Variants in LRRTM4 observed in about 807,000 individuals in gnomAD.
LRRTM4 encodes leucine-rich repeat transmembrane neuronal protein 4.
Under a neutral mutation model 47.6 loss-of-function variants are expected in LRRTM4, and 25 were observed. That is an observed-to-expected ratio of 0.53 (90% CI 0.38 to 0.73). The LOEUF (loss-of-function observed/expected upper bound fraction) is 0.73, where lower values mean the gene tolerates loss of function less well. Ranked by LOEUF, LRRTM4 falls within the 30% of genes least tolerant of loss-of-function variation. The pLI, the probability that LRRTM4 is intolerant of heterozygous loss-of-function variation, is 0.00. For missense variants in LRRTM4, 638 were observed against 713.4 expected, an observed-to-expected ratio of 0.89 and a Z score of 1.20; for synonymous variants, 311 against 269.5, an observed-to-expected ratio of 1.15 and a Z score of -1.51.
intron 3 of LRRTM4, among the ~76,000 whole-genome samples, chr2:77,011,531 T>TTGTGTGTGTGTGTGTGTGTG (rs56982328): frequency 1.4e-5 from 2 of 144,046 alleles, no homozygotes; most frequent in South Asian, 2.3e-4. Context: ...GAAGAAGCAT[T>TTGTGTGTGTGTGTGTGTGTG]TGTGTGTGTG....
At chr2:76,783,232 T>C (rs1674493384) in intron 3 of LRRTM4, among the ~76,000 whole-genome samples, 2 of 152,202 alleles carry the variant, frequency 1.3e-5, no homozygotes, top group East Asian at 1.9e-4. Context: ...AAGCTAAATG[T>C]TGTGTTTTCA....
Position 76,823,583 on chromosome 2 carries a change from G to A in LRRTM4, c.1552-74667C>T, listed in dbSNP as rs894937487. On this transcript the variant is annotated intron_variant, in intron 3 of 3. Transcript: ENST00000409884. ...ATTTCTGTATCAAAATAATTTCCACGTGAATCACAGCATTATATGTAATAG... is the reference window on the plus strand; with the variant it reads ...ATTTCTGTATCAAAATAATTTCCACATGAATCACAGCATTATATGTAATAG... Among the ~76,000 whole-genome samples, 21 of 151,386 alleles carry A rather than the reference G, an allele frequency of 1.4e-4. No individual in the cohort carries two copies. The South Asian group carries it at 2.7e-3, about 19-fold the overall frequency.
intron 3 of LRRTM4, among the ~76,000 whole-genome samples, chr2:77,182,822 A>C (rs555625498): frequency 3.3e-5 from 5 of 152,302 alleles, no homozygotes; most frequent in African/African-American, 1.2e-4. Context: ...AGACAAAAAC[A>C]AGAAATGGGG....
At chr2:77,422,283 A>T (rs576673920) in intron 3 of LRRTM4, among the ~76,000 whole-genome samples, 4 of 152,350 alleles carry the variant, frequency 2.6e-5, no homozygotes, top group Middle Eastern at 3.4e-3. Context: ...GTAATCTCTA[A>T]TAAAAGGTGG....
chr2:77,152,669 AGT>A (rs1672461688), intron 3 of LRRTM4, among the ~76,000 whole-genome samples: 3 of 152,274 alleles, frequency 2.0e-5, no homozygotes, highest in Admixed American at 2.0e-4. Flanking sequence ...AAATAGAGAT[AGT>A]AATTATACTT....
At chr2:77,035,260 AAAACAAACAAAC>A (rs199622118) in intron 3 of LRRTM4, among the ~76,000 whole-genome samples, 1 of 151,120 alleles carries the variant, frequency 6.6e-6, no homozygotes, top group East Asian at 1.9e-4. Context: ...AGTTCTAAGA[AAAACAAACAAAC>A]AAACAAACAA....
intron 3 of LRRTM4, among the ~76,000 whole-genome samples, chr2:77,208,510 G>A (rs1262963572): frequency 6.6e-6 from 1 of 152,286 alleles, no homozygotes; most frequent in East Asian, 1.9e-4. Flanking sequence ...AGGGAAGAAG[G>A]GAAGCCTGTG....
chr2:76,767,431 T>TA (rs1188976951), intron 3 of LRRTM4, among the ~76,000 whole-genome samples: 1 of 152,178 alleles, frequency 6.6e-6, no homozygotes, highest in East Asian at 1.9e-4. Context: ...GATTCCCATT[T>TA]AAAAAATGGT....
At chr2:76,912,188 G>A (rs986901029) in intron 3 of LRRTM4, among the ~76,000 whole-genome samples, 66 of 152,060 alleles carry the variant, frequency 4.3e-4, no homozygotes, top group African/African-American at 1.5e-3. Flanking sequence ...CAAAGTGCTA[G>A]GATTACAGGC....
intron 3 of LRRTM4, among the ~76,000 whole-genome samples, chr2:77,455,763 C>T (rs575637950): frequency 6.6e-6 from 1 of 152,166 alleles, no homozygotes; most frequent in Non-Finnish European, 1.5e-5. Flanking sequence ...CCTTTTTTAT[C>T]ACTTCACATT....
chr2:76,764,860 C>T (rs1231563197), intron 3 of LRRTM4, among the ~76,000 whole-genome samples: 1 of 152,116 alleles, frequency 6.6e-6, no homozygotes, highest in Non-Finnish European at 1.5e-5. Flanking sequence ...CTGGGCTGCC[C>T]CTCCCACCAT....
chr2:76,925,975 T>C (rs1674577581), intron 3 of LRRTM4, among the ~76,000 whole-genome samples: 1 of 152,124 alleles, frequency 6.6e-6, no homozygotes. Context: ...ATATTCAGCT[T>C]GTAAGTTCTT....
chr2:77,405,406 C>G (rs1485182539), intron 3 of LRRTM4, among the ~76,000 whole-genome samples: 1 of 151,984 alleles, frequency 6.6e-6, no homozygotes, highest in African/African-American at 2.4e-5. Flanking sequence ...CCTTTAAAAC[C>G]TGATTTCTGT....
At chr2:77,123,158 C>T (rs1175122789) in intron 3 of LRRTM4, among the ~76,000 whole-genome samples, 5 of 150,472 alleles carry the variant, frequency 3.3e-5, no homozygotes, top group African/African-American at 7.4e-5. Context: ...AAGAAAAATA[C>T]ATAAGCAAAT....
intron 3 of LRRTM4, among the ~76,000 whole-genome samples, chr2:76,952,158 A>C (rs903142052): frequency 2.0e-5 from 3 of 152,012 alleles, no homozygotes; most frequent in Admixed American, 1.3e-4. Flanking sequence ...CAAAGTCTTT[A>C]GGGTTTTCTA....
intron 3 of LRRTM4, among the ~76,000 whole-genome samples, chr2:77,329,744 G>A (rs1382598682): frequency 1.3e-5 from 2 of 152,088 alleles, no homozygotes; most frequent in Non-Finnish European, 2.9e-5. Context: ...GAGTGGACAG[G>A]ATACTTATCT....
intron 3 of LRRTM4, among the ~76,000 whole-genome samples, chr2:77,351,614 T>TA (rs759991486): frequency 7.4e-6 from 1 of 135,400 alleles, no homozygotes; most frequent in African/African-American, 2.8e-5. Flanking sequence ...CATGACAAAT[T>TA]TATATATATA....
chr2:77,190,830 C>A (rs771602674), intron 3 of LRRTM4, among the ~76,000 whole-genome samples: 27 of 152,042 alleles, frequency 1.8e-4, no homozygotes, highest in Non-Finnish European at 4.0e-4. Flanking sequence ...TATACATAAA[C>A]TGTACTTAGC....
intron 3 of LRRTM4, among the ~76,000 whole-genome samples, chr2:76,784,820 A>G (rs1010676559): frequency 8.5e-5 from 13 of 152,100 alleles, no homozygotes; most frequent in Non-Finnish European, 1.9e-4. Context: ...CAAAAATGAA[A>G]TACTAAATAT....
Sources: allele counts gnomAD v4.1 joint callset (sites outside exome capture counted in the v4.1 genomes callset), GRCh38; gene constraint gnomAD v4.1.1; transcripts MANE v1.5; gene names NCBI Gene and HGNC (gene_info 2026-07-23, HGNC 2026-07-21).